The following RBL1 variants were observed in gnomAD, a reference collection of about 807,000 sequenced individuals.
The protein encoded by RBL1 is retinoblastoma-like protein 1.
RBL1 carries 82 observed loss-of-function variants against 123.0 expected under a neutral mutation model. That is an observed-to-expected ratio of 0.67 (90% CI 0.56 to 0.80). RBL1 has a LOEUF of 0.80. Among genes scored for constraint, RBL1 ranks in the 30% least tolerant of loss-of-function variants. The pLI is 0.00. For synonymous variants in RBL1, 405 were observed against 441.3 expected (o/e 0.92, Z 1.03); for missense variants, 1,171 against 1,299.6 (o/e 0.90, Z 1.52).
chr20:37,005,889 T>C (rs1288329800), intron 20 of RBL1, among the ~76,000 whole-genome samples: 3 of 124,284 alleles, frequency 2.4e-5, no homozygotes, highest in African/African-American at 7.4e-5. Context: ...TTTTTTTTTT[T>C]CTTTCTTTTT....
chr20:37,057,789 G>A (rs1203275056), intron 9 of RBL1, among the ~76,000 whole-genome samples: 1 of 152,098 alleles, frequency 6.6e-6, no homozygotes, highest in African/African-American at 2.4e-5. Flanking sequence ...AGGAGTTGGA[G>A]ATCGGCCTGG....
At chr20:37,023,934 C>T (rs1369673623) in intron 16 of RBL1, among the ~76,000 whole-genome samples, 5 of 151,578 alleles carry the variant, frequency 3.3e-5, no homozygotes, top group South Asian at 4.2e-4. Flanking sequence ...AGTGCCACCA[C>T]GCCTGGCTAA....
intron 2 of RBL1, 33 bp downstream of exon 2, chr20:37,088,956 T>C: frequency 7.0e-7 from 1 of 1,437,830 alleles, no homozygotes; most frequent in African/African-American, 1.4e-5. Flanking sequence ...ATTTAGAGCT[T>C]ATATAACATT....
intron 13 of RBL1, among the ~76,000 whole-genome samples, chr20:37,041,944 G>GTGCT (rs1401162571): frequency 6.6e-6 from 1 of 151,826 alleles, no homozygotes; most frequent in African/African-American, 2.4e-5. Context: ...GTGGTGGTGG[G>GTGCT]TGCTTGTAGT....
Position 37,022,781 on chromosome 20 carries a change from G to C in RBL1, c.2428C>G (p.Leu810Val), listed in dbSNP as rs1307982606. 2.5e-6 allele frequency: 4 copies of C among 1,613,458 alleles called. No homozygotes were observed. Among genetic ancestry groups the C allele is most frequent in the Non-Finnish European group, 3.4e-6 (4 of 1,179,650 alleles). Residue 810 changes from leucine (L) to valine (V), a missense_variant, in exon 17 of 22, where the codon CTG (leucine) becomes GTG (valine). Leu to Val is a conservative substitution (Grantham distance 32). Coordinates refer to ENST00000373664, the MANE Select transcript of RBL1 (RefSeq NM_002895.5). ...CTTCGTAACTCATTTGAAACATCCA[G>C]TTTTAGACATAGATCACGTAAGCGT... The part of the protein sequence containing the change: ...SVRLRDLCLK[L>V]DVSNELRRKI...
intron 1 of RBL1, among the ~76,000 whole-genome samples, chr20:37,093,091 T>C (rs931957000): frequency 6.6e-6 from 1 of 152,034 alleles, no homozygotes; most frequent in Non-Finnish European, 1.5e-5. Flanking sequence ...TATAGTGCAG[T>C]GAATAACTGA....
Position 36,998,491 on chromosome 20 carries a change from T to A in RBL1, c.*268A>T. Reference sequence around the variant, plus strand: ...TGCCCGCCTTGGCCTCCCAAAGTCCTGGGATTACAGGCGTGAGCCACAGCG... The same window carrying A: ...TGCCCGCCTTGGCCTCCCAAAGTCCAGGGATTACAGGCGTGAGCCACAGCG... On this transcript the variant is annotated 3_prime_UTR_variant, in exon 22 of 22. Transcript: ENST00000373664. 3.6e-6 allele frequency: 1 copy of A among 280,158 alleles called. No individual in the cohort carries two copies. The allele number at this position is 280,158 out of a possible 1,614,324, so 17.4% of individuals were successfully genotyped here. A position where few individuals can be genotyped will look rare whatever the true frequency, so the allele number is the denominator to read the frequency against.
chr20:37,072,118 T>C (rs187793235), intron 2 of RBL1, among the ~76,000 whole-genome samples: 1 of 152,296 alleles, frequency 6.6e-6, no homozygotes, highest in East Asian at 1.9e-4. Flanking sequence ...ATTTGTCAGA[T>C]TACTAAATAT....
chr20:37,053,422 G>T (rs2064951657), intron 11 of RBL1, among the ~76,000 whole-genome samples: 1 of 152,172 alleles, frequency 6.6e-6, no homozygotes, highest in African/African-American at 2.4e-5. Flanking sequence ...TCTAAATTGT[G>T]ACAGTGTAAG....
intron 15 of RBL1, 75 bp downstream of exon 15, chr20:37,035,167 G>T: frequency 7.5e-7 from 1 of 1,327,748 alleles, no homozygotes. Context: ...GAAAAACCAT[G>T]TGATCTAATC....
At chr20:37,042,962 G>A (rs1005716030) in intron 13 of RBL1, among the ~76,000 whole-genome samples, 5 of 142,066 alleles carry the variant, frequency 3.5e-5, no homozygotes, top group African/African-American at 5.3e-5. Context: ...TTTATCAACC[G>A]ATGAATGGAT....
rs1600471145 is a variant in RBL1, at chr20:37,017,620, T to TGTGTGTGTGTGTGTG, written c.2722+658_2722+659insCACACACACACACAC. Among the ~76,000 whole-genome samples the TGTGTGTGTGTGTGTG allele has an allele frequency of 2.2e-3, 310 of 139,806 alleles. 2 individuals carry two copies. Among genetic ancestry groups the TGTGTGTGTGTGTGTG allele is most frequent in the African/African-American group, 8.1e-3 (292 of 35,942 alleles). 91.7% of individuals were successfully genotyped at this position (139,806 alleles called of 152,430 possible). On this transcript the variant is annotated intron_variant, in intron 19 of 21. Coordinates refer to ENST00000373664, the MANE Select transcript of RBL1 (RefSeq NM_002895.5). ...ATACTTATATGAACAGGACATTTTC[T>TGTGTGTGTGTGTGTG]TGTGTGTGTGTGTGTGTGTGTGTGT...
intron 11 of RBL1, chr20:37,049,200 CCAAAAAA>C (rs138119443): frequency 0.096 from 35,060 of 366,558 alleles, 2,003 homozygotes; most frequent in Non-Finnish European, 0.12. Flanking sequence ...AGACTCTGTC[CCAAAAAA>C]CAAAAAACAA....
In RBL1 at chr20:37,066,811, A is replaced by T. The variant is rs780958978; in HGVS notation, c.759T>A (p.Cys253Ter). The T allele has an allele frequency of 6.2e-7, 1 of 1,612,926 alleles. No homozygotes were observed. Among genetic ancestry groups the T allele is most frequent in the Non-Finnish European group, 8.5e-7 (1 of 1,179,064 alleles). Residue 253 changes from cysteine to a stop codon, truncating the protein, a stop_gained, in exon 6 of 22, where the codon TGT (cysteine) becomes TGA (stop). Coordinates refer to ENST00000373664, the MANE Select transcript of RBL1 (RefSeq NM_002895.5). LOFTEE classifies it high-confidence loss of function. Reference protein sequence around the residue: ...EEPPCIIAVLCELHDGLLVEA... With the variant: ...EEPPCIIAVL The stretch of plus-strand genomic sequence containing the variant: ...CTACGAGAAGTCCATCATGCAGTTC[A>T]CACAGTACAGCAATGATGCAGGGTG...
In RBL1 at chr20:37,068,007, A is replaced by G; in HGVS notation, c.470T>C (p.Leu157Ser). The G allele has an allele frequency of 6.2e-7, 1 of 1,613,758 alleles. No homozygotes were observed. Residue 157 changes from leucine (L) to serine (S), a missense_variant, in exon 3 of 22, where the codon TTA becomes TCA. Leu to Ser is a moderately radical substitution (Grantham distance 145, BLOSUM62 -2). Transcript: ENST00000373664. Reference protein sequence around the residue: ...FQNPYEEPPKLPRSRKQRRIP... With the variant: ...FQNPYEEPPKSPRSRKQRRIP... ...TCACCTCTGCTTCCGGCTTCGTGGT[A>G]ACTTTGGTGGTTCTTCATATGGATT...
chr20:37,093,935 G>A (rs1158452659), intron 1 of RBL1, among the ~76,000 whole-genome samples: 3 of 151,622 alleles, frequency 2.0e-5, no homozygotes, highest in Non-Finnish European at 4.4e-5. Context: ...GCCACCGTGC[G>A]CCCGGCCAAG....
chr20:37,094,409 C>T (rs183851914), intron 1 of RBL1, among the ~76,000 whole-genome samples: 157 of 152,288 alleles, frequency 1.0e-3, no homozygotes, highest in South Asian at 1.5e-3. Flanking sequence ...GTTCTGAAGA[C>T]ACTTTTTTCA....
chr20:37,080,011 T>A (rs1401696616), intron 2 of RBL1, among the ~76,000 whole-genome samples: 2 of 152,044 alleles, frequency 1.3e-5, no homozygotes, highest in East Asian at 3.8e-4. Context: ...TTTAAAAAAA[T>A]AGTCAAGGCT....
chr20:37,054,168 T>C (rs2064966387), intron 11 of RBL1, among the ~76,000 whole-genome samples: 1 of 152,124 alleles, frequency 6.6e-6, no homozygotes, highest in South Asian at 2.1e-4. Context: ...TTTGCAACTT[T>C]CTGTGAATCT....
Sources: allele counts gnomAD v4.1 joint callset (sites outside exome capture counted in the v4.1 genomes callset), GRCh38; gene constraint gnomAD v4.1.1; transcripts MANE v1.5; gene names NCBI Gene and HGNC (gene_info 2026-07-23, HGNC 2026-07-21).